The following SPIRE1 variants were observed in gnomAD, a reference collection of about 807,000 sequenced individuals.
The protein encoded by SPIRE1 is protein spire homolog 1.
A neutral mutation model predicts 94.1 loss-of-function variants in SPIRE1; 40 were observed. That is an observed-to-expected ratio of 0.43 (90% CI 0.33 to 0.55). The LOEUF is 0.55. Ranked by LOEUF, SPIRE1 falls within the 20% of genes least tolerant of loss-of-function variation. The probability of loss-of-function intolerance (pLI) is 0.06; values close to 1 mark genes in which losing one functional copy is unlikely to be tolerated. For synonymous variants in SPIRE1, 376 were observed against 371.7 expected (o/e 1.01, Z -0.13); for missense variants, 838 against 975.2 (o/e 0.86, Z 1.87).
intron 2 of SPIRE1, among the ~76,000 whole-genome samples, chr18:12,556,950 G>C (rs374874771): frequency 3.0e-4 from 45 of 152,288 alleles, no homozygotes; most frequent in African/African-American, 1.0e-3. Context: ...ATTTCACGGA[G>C]AGCTGATTGG....
chr18:12,506,880 CTTCA>C (rs1451007554), intron 5 of SPIRE1, among the ~76,000 whole-genome samples: 1 of 152,154 alleles, frequency 6.6e-6, no homozygotes, highest in African/African-American at 2.4e-5. Flanking sequence ...CTGTGGTAGG[CTTCA>C]TTAAGGGCTC....
chr18:12,658,646 G>A, upstream of SPIRE1: 2 of 467,630 alleles, frequency 4.3e-6, no homozygotes, highest in South Asian at 3.1e-5. Flanking sequence ...ATGCAGGCCC[G>A]CTGAAGCCTC....
chr18:12,529,212 AC>A (rs2034611133), intron 4 of SPIRE1, among the ~76,000 whole-genome samples: 1 of 152,158 alleles, frequency 6.6e-6, no homozygotes, highest in Admixed American at 6.5e-5. Flanking sequence ...TACTAAAAAT[AC>A]AAAAAATTAG....
chr18:12,457,334 A>AT (rs1052095821), intron 12 of SPIRE1, among the ~76,000 whole-genome samples: 9 of 152,206 alleles, frequency 5.9e-5, no homozygotes, highest in African/African-American at 2.2e-4. Flanking sequence ...AGTTTTAATT[A>AT]TTTTTTTCAG....
intron 2 of SPIRE1, among the ~76,000 whole-genome samples, chr18:12,597,474 T>G (rs2036709667): frequency 6.6e-6 from 1 of 152,146 alleles, no homozygotes; most frequent in Non-Finnish European, 1.5e-5. Context: ...TGTGCCTAAC[T>G]CATACCAGCA....
intron 10 of SPIRE1, among the ~76,000 whole-genome samples, chr18:12,474,540 G>A (rs1395729227): frequency 6.6e-6 from 1 of 152,148 alleles, no homozygotes; most frequent in Non-Finnish European, 1.5e-5. Context: ...ACATGTTTGG[G>A]CCCAGGTGTG....
In SPIRE1 at chr18:12,449,322, A is replaced by C; in HGVS notation, c.*316T>G. 3.5e-6 allele frequency: 1 copy of C among 288,936 alleles called. No individual in the cohort carries two copies. The highest frequency in any genetic ancestry group is 6.5e-6 in the Non-Finnish European group (1 of 153,150). 17.9% of individuals were successfully genotyped at this position (288,936 alleles called of 1,614,324 possible). ...GAAGCTTTTTTTTTTTGCCTTAGTC[A>C]GGAGATTATTCGAGGAACAGTAAAG... On this transcript the variant is annotated 3_prime_UTR_variant, in exon 17 of 17. Transcript: ENST00000409402.
At chr18:12,531,303 A>G (rs747690536) in intron 4 of SPIRE1, among the ~76,000 whole-genome samples, 12 of 152,046 alleles carry the variant, frequency 7.9e-5, no homozygotes, top group Non-Finnish European at 1.6e-4. Flanking sequence ...ATGCCCACAC[A>G]TTCTCTCATA....
At chr18:12,501,630 C>T (rs1028533899) in intron 6 of SPIRE1, among the ~76,000 whole-genome samples, 2 of 152,176 alleles carry the variant, frequency 1.3e-5, no homozygotes, top group Non-Finnish European at 2.9e-5. Context: ...GTTCCGCACG[C>T]CTCGGCCTCC....
chr18:12,527,532 A>G (rs576518860), intron 4 of SPIRE1, among the ~76,000 whole-genome samples: 1 of 152,198 alleles, frequency 6.6e-6, no homozygotes, highest in Non-Finnish European at 1.5e-5. Flanking sequence ...TCTTCCCCCA[A>G]GTACATAAAT....
chr18:12,482,628 A>C (rs923512900), intron 9 of SPIRE1, among the ~76,000 whole-genome samples: 91 of 152,312 alleles, frequency 6.0e-4, no homozygotes, highest in Non-Finnish European at 9.4e-4. Flanking sequence ...TAAAGATGGC[A>C]TATGAACTGA....
At chr18:12,503,782 CAGCT>C (rs1202476159) in intron 6 of SPIRE1, among the ~76,000 whole-genome samples, 2 of 142,426 alleles carry the variant, frequency 1.4e-5, no homozygotes, top group Non-Finnish European at 3.1e-5. Context: ...GAAATACAAA[CAGCT>C]AGCACAGATT....
intron 9 of SPIRE1, among the ~76,000 whole-genome samples, chr18:12,484,642 A>C (rs1484728960): frequency 6.6e-6 from 1 of 152,248 alleles, no homozygotes; most frequent in East Asian, 1.9e-4. Flanking sequence ...ATGGCATTTA[A>C]AAGAAAATCC....
intron 1 of SPIRE1, among the ~76,000 whole-genome samples, chr18:12,650,690 C>T (rs2038355363): frequency 8.0e-6 from 1 of 125,048 alleles, no homozygotes; most frequent in South Asian, 2.5e-4. Context: ...AGCCTGGTGA[C>T]AGAGCAAGAC....
At chr18:12,579,288 T>C (rs142748627) in intron 2 of SPIRE1, among the ~76,000 whole-genome samples, 21 of 151,652 alleles carry the variant, frequency 1.4e-4, no homozygotes, top group African/African-American at 5.1e-4. Context: ...GTGCATACAA[T>C]GGAATATTAC....
chr18:12,464,753 G>T, intron 11 of SPIRE1, 115 bp downstream of exon 11: 2 of 767,654 alleles, frequency 2.6e-6, no homozygotes, highest in East Asian at 2.6e-5. Flanking sequence ...TGAAATGCCT[G>T]AGTTAGTTCT....
At chr18:12,494,563 C>T (rs373083623) in intron 7 of SPIRE1, among the ~76,000 whole-genome samples, 4 of 151,976 alleles carry the variant, frequency 2.6e-5, no homozygotes, top group Admixed American at 1.3e-4. Context: ...GGCACGGTGG[C>T]TCACGCCTGT....
In SPIRE1 at chr18:12,658,077, G is replaced by T. The variant is rs1178689328; in HGVS notation, c.-211C>A. The T allele has an allele frequency of 1.0e-6, 1 of 992,044 alleles. No homozygotes were observed. The highest frequency in any genetic ancestry group is 1.2e-6 in the Non-Finnish European group (1 of 835,574). The allele number at this position is 992,044 out of a possible 1,614,324, so 61.5% of individuals were successfully genotyped here. ...ACACGGCTGCAGTCCCGGTCAGACA[G>T]CCGCCGGCCGGTAGCGACGCGATGG... On this transcript the variant is annotated 5_prime_UTR_variant, in exon 1 of 17. It adds an upstream start codon to the 5' untranslated region. Transcript: ENST00000409402.
At chr18:12,639,299 G>C (rs577905336) in intron 1 of SPIRE1, among the ~76,000 whole-genome samples, 63 of 152,108 alleles carry the variant, frequency 4.1e-4, no homozygotes, top group Non-Finnish European at 7.1e-4. Context: ...CACAGGATTT[G>C]TAAGTTTTAG....
Sources: allele counts gnomAD v4.1 joint callset (sites outside exome capture counted in the v4.1 genomes callset), GRCh38; gene constraint gnomAD v4.1.1; transcripts MANE v1.5; gene names NCBI Gene and HGNC (gene_info 2026-07-23, HGNC 2026-07-21).